PCSK5: variants seen among roughly 807,000 people sequenced by gnomAD.
The protein encoded by PCSK5 is proprotein convertase subtilisin/kexin type 5.
In PCSK5, 129 loss-of-function variants were observed where a neutral mutation model predicts 233.2. The ratio of observed to expected loss-of-function variants is 0.55; its 90% CI spans 0.48 to 0.64. The LOEUF is 0.64. Among genes scored for constraint, PCSK5 ranks in the 30% least tolerant of loss-of-function variants. The pLI is 0.00. For synonymous variants in PCSK5, 825 were observed against 879.2 expected (o/e 0.94, Z 1.09); for missense variants, 2,076 against 2,430.1 (o/e 0.85, Z 3.06).
At chr9:76,196,064 C>T (rs538969475) in intron 20 of PCSK5, among the ~76,000 whole-genome samples, 1 of 152,140 alleles carries the variant, frequency 6.6e-6, no homozygotes, top group African/African-American at 2.4e-5. Flanking sequence ...GAGTGAGAAA[C>T]AGCAATGTAA....
intron 32 of PCSK5, among the ~76,000 whole-genome samples, chr9:76,323,635 C>A (rs1238102716): frequency 2.0e-5 from 3 of 152,118 alleles, no homozygotes; most frequent in Admixed American, 1.3e-4. Context: ...GTCACCATGA[C>A]CAGTCCATCT....
At position 76,084,442 on chromosome 9, in the gene PCSK5, C is replaced by G. The variant is rs6560497; in HGVS notation, c.895-11448C>G. On this transcript the variant is annotated intron_variant, in intron 7 of 37. Transcript: ENST00000674117. ...TAACTGTGTGGGCAATTTAAATCAA[C>G]TTCTGCAAATCCTATTTTAAATCCC... 6.5e-3 allele frequency among the ~76,000 whole-genome samples: 990 copies of G among 152,316 alleles called. 10 individuals are homozygous for G. The highest frequency in any genetic ancestry group is 0.023 in the African/African-American group (938 of 41,570).
At chr9:76,210,240 G>A (rs1460677327) in intron 20 of PCSK5, among the ~76,000 whole-genome samples, 18 of 152,180 alleles carry the variant, frequency 1.2e-4, no homozygotes, top group Admixed American at 1.2e-3. Flanking sequence ...AGCTACCAGA[G>A]GGGCAACTGG....
rs183891484 is a variant in PCSK5 at position 76,256,716 on chromosome 9, A to G, written c.3142+16032A>G. ...TTCATCACGCTTAAAGAAAAATAAA[A>G]ATGAGTCTGGCAGTAGTGACTAGAA... On this transcript the variant is annotated intron_variant, in intron 24 of 37. Coordinates refer to ENST00000674117, the MANE Select transcript of PCSK5 (RefSeq NM_001372043.1). 4.3e-3 allele frequency among the ~76,000 whole-genome samples: 662 copies of G among 152,326 alleles called. 4 individuals carry two copies. Among genetic ancestry groups the G allele is most frequent in the Middle Eastern group, 0.017 (5 of 294 alleles).
intron 3 of PCSK5, among the ~76,000 whole-genome samples, chr9:76,011,061 T>C (rs1252408905): frequency 1.3e-5 from 2 of 152,248 alleles, no homozygotes; most frequent in African/African-American, 4.8e-5. Context: ...TTCTGTTGGA[T>C]GCTATTAAAG....
At chr9:76,317,470 T>A (rs1829064430) in intron 30 of PCSK5, among the ~76,000 whole-genome samples, 1 of 152,238 alleles carries the variant, frequency 6.6e-6, no homozygotes, top group Non-Finnish European at 1.5e-5. Context: ...AATAAATGAC[T>A]GAAAGAATGA....
intron 5 of PCSK5, among the ~76,000 whole-genome samples, chr9:76,030,704 T>C (rs1320221882): frequency 6.6e-6 from 1 of 152,214 alleles, no homozygotes; most frequent in Admixed American, 6.5e-5. Flanking sequence ...ATACAGACTA[T>C]ATGTAAAGGC....
intron 7 of PCSK5, among the ~76,000 whole-genome samples, chr9:76,083,148 G>T (rs942864206): frequency 3.5e-5 from 5 of 142,716 alleles, no homozygotes; most frequent in African/African-American, 1.3e-4. Context: ...GGCCAGTGTT[G>T]CAGTGAGCTG....
chr9:75,938,487 T>G (rs1348442328), intron 2 of PCSK5, among the ~76,000 whole-genome samples: 1 of 152,162 alleles, frequency 6.6e-6, no homozygotes, highest in Non-Finnish European at 1.5e-5. Context: ...GTTTGAAATA[T>G]TGCAATAATT....
In PCSK5 at chr9:76,096,178, CAT is replaced by C. The variant is rs747144896; in HGVS notation, c.1107+88_1107+89del. 2,727 of 697,524 alleles carry C rather than the reference CAT, an allele frequency of 3.9e-3. 78 individuals are homozygous for C. Among genetic ancestry groups the C allele is most frequent in the African/African-American group, 0.017 (903 of 52,244 alleles). The allele number at this position is 697,524 out of a possible 1,614,324, so 43.2% of individuals were successfully genotyped here. A position where few individuals can be genotyped will look rare whatever the true frequency, so the allele number is the denominator to read the frequency against. On this transcript the variant is annotated intron_variant, in intron 8 of 37. Coordinates refer to ENST00000674117, the MANE Select transcript of PCSK5 (RefSeq NM_001372043.1). ...TGAAATACAAAGGGAGAACCATAAA[CAT>C]ATATATATATACACACACACACACA... is the stretch of plus-strand genomic sequence containing the variant.
chr9:76,341,663 A>G (rs938813016), intron 35 of PCSK5, among the ~76,000 whole-genome samples: 10 of 152,286 alleles, frequency 6.6e-5, no homozygotes, highest in African/African-American at 2.4e-4. Flanking sequence ...TGTAAATGAA[A>G]TATTTTGGTT....
chr9:75,912,766 G>A (rs144382392), intron 1 of PCSK5, among the ~76,000 whole-genome samples: 109 of 152,280 alleles, frequency 7.2e-4, no homozygotes, highest in African/African-American at 2.5e-3. Context: ...AGTCTGTAGT[G>A]TGGAGAACAT....
Position 76,358,895 on chromosome 9 carries a change from T to A in PCSK5, c.5637T>A (p.Asp1879Glu). The A allele has an allele frequency of 2.5e-6, 4 of 1,612,832 alleles. No individual in the cohort carries two copies. The highest frequency in any genetic ancestry group is 3.4e-6 in the Non-Finnish European group (4 of 1,179,868). ...ATGACATAGATGAGCTGGAATATGA[T>A]GACGAGAGTTACTCCTACTACCAGT... is the stretch of plus-strand genomic sequence containing the variant. ...DDDDIDELEY[D>E]DESYSYYQ Residue 1879 changes from aspartate (D) to glutamate (E), a missense_variant, in exon 38 of 38, where the codon GAT (aspartate) becomes GAA (glutamate). Around this residue, in one of 6 missense-constraint regions of PCSK5, gnomAD observed 1,510 missense variants for 1,538.1 expected, o/e 0.98. Coordinates refer to ENST00000674117, the MANE Select transcript of PCSK5 (RefSeq NM_001372043.1).
intron 3 of PCSK5, among the ~76,000 whole-genome samples, chr9:75,995,374 T>G (rs1448767097): frequency 6.6e-6 from 1 of 152,190 alleles, no homozygotes; most frequent in Non-Finnish European, 1.5e-5. Flanking sequence ...ATGAATGGAT[T>G]AATAAAGCAT....
chr9:75,902,215 A>T (rs200289770), intron 1 of PCSK5, among the ~76,000 whole-genome samples: 1,840 of 34,946 alleles, frequency 0.053, 20 homozygotes, highest in African/African-American at 0.082. Context: ...GACACCATCT[A>T]AAAAAAAAAA....
chr9:76,354,935 A>G (rs1457187788), intron 37 of PCSK5, among the ~76,000 whole-genome samples: 1 of 152,200 alleles, frequency 6.6e-6, no homozygotes, highest in Non-Finnish European at 1.5e-5. Flanking sequence ...ACTATCAAGG[A>G]AGCTGATGTC....
chr9:76,089,117 C>T (rs1038639994), intron 7 of PCSK5, among the ~76,000 whole-genome samples: 4 of 152,052 alleles, frequency 2.6e-5, no homozygotes, highest in Non-Finnish European at 5.9e-5. Flanking sequence ...GTGTCCTTGT[C>T]TCTCTCCAAC....
intron 12 of PCSK5, among the ~76,000 whole-genome samples, chr9:76,160,666 T>G (rs1438763218): frequency 6.6e-6 from 1 of 152,214 alleles, no homozygotes; most frequent in Non-Finnish European, 1.5e-5. Flanking sequence ...AACTTGCCAG[T>G]TGCTTTTAAA....
At chr9:76,279,243 C>G (rs62564585) in intron 24 of PCSK5, among the ~76,000 whole-genome samples, 2 of 150,788 alleles carry the variant, frequency 1.3e-5, no homozygotes, top group African/African-American at 4.9e-5. Context: ...GACATGAACT[C>G]ATCATTTTTT....
Sources: allele counts gnomAD v4.1 joint callset (sites outside exome capture counted in the v4.1 genomes callset), GRCh38; gene constraint gnomAD v4.1.1; regional missense constraint gnomAD v4.1.1; transcripts MANE v1.5; gene names NCBI Gene and HGNC (gene_info 2026-07-23, HGNC 2026-07-21).